PPP3CA: variants seen among roughly 807,000 people sequenced by gnomAD.
PPP3CA encodes the protein protein phosphatase 3 catalytic subunit alpha.
Under a neutral mutation model 66.5 loss-of-function variants are expected in PPP3CA, and 14 were observed. The ratio of observed to expected loss-of-function variants is 0.21; its 90% CI spans 0.14 to 0.33. The LOEUF (loss-of-function observed/expected upper bound fraction) is 0.33. Ranked by LOEUF, PPP3CA falls within the 10% of genes least tolerant of loss-of-function variation. The probability of loss-of-function intolerance (pLI) is 1.00; values close to 1 mark genes in which losing one functional copy is unlikely to be tolerated. For missense variants in PPP3CA, 317 were observed against 639.5 expected, an observed-to-expected ratio of 0.50 and a Z score of 5.44; for synonymous variants, 232 against 226.2, an observed-to-expected ratio of 1.03 and a Z score of -0.23.
At chr4:101,289,870 A>ATG (rs72004461) in intron 1 of PPP3CA, among the ~76,000 whole-genome samples, 15,817 of 141,646 alleles carry the variant, frequency 0.11, 857 homozygotes, top group Non-Finnish European at 0.12. Context: ...ATGTCCGTGT[A>ATG]TGTGTGTGTG....
At position 101,156,405 on chromosome 4, in the gene PPP3CA, G is replaced by A. The variant is rs115621571; in HGVS notation, c.259+39511C>T. Reference sequence around the variant, plus strand: ...TAGAAAAAGGCATATTCCAGGCCAGGCAAAGTGGCTCCCGCCTGTAATCCC... The same window carrying A: ...TAGAAAAAGGCATATTCCAGGCCAGACAAAGTGGCTCCCGCCTGTAATCCC... On this transcript the variant is annotated intron_variant, in intron 2 of 13. Transcript: ENST00000394854. 8.2e-3 allele frequency among the ~76,000 whole-genome samples: 1,251 copies of A among 152,318 alleles called. 17 individuals carry two copies. Among genetic ancestry groups the A allele is most frequent in the African/African-American group, 0.029 (1,201 of 41,558 alleles).
intron 1 of PPP3CA, among the ~76,000 whole-genome samples, chr4:101,219,259 A>G (rs1009370155): frequency 5.3e-4 from 80 of 152,132 alleles, no homozygotes; most frequent in African/African-American, 1.9e-3. Flanking sequence ...TAGTTAACAG[A>G]TTGCATGCTT....
chr4:101,082,953 G>T lies in PPP3CA; in HGVS notation c.860+233C>A, dbSNP rs568823908. Reference sequence around the variant, plus strand: ...TACTTAAGAAATCAAGCTGAAAATGGACTTGTTCAGGCTAAAGATGTAAGA... The same window carrying T: ...TACTTAAGAAATCAAGCTGAAAATGTACTTGTTCAGGCTAAAGATGTAAGA... On this transcript the variant is annotated intron_variant, in intron 7 of 13. Transcript: ENST00000394854. Among the ~76,000 whole-genome samples the T allele has an allele frequency of 1.1e-4, 16 of 152,236 alleles. No individual in the cohort carries two copies. The South Asian group carries it at 2.7e-3, about 26-fold the overall frequency.
chr4:101,326,053 T>C (rs553017315), intron 1 of PPP3CA, among the ~76,000 whole-genome samples: 2 of 152,158 alleles, frequency 1.3e-5, no homozygotes, highest in East Asian at 3.9e-4. Context: ...GCAGAATTAC[T>C]TGAACCGAGG....
At chr4:101,299,368 G>A (rs112961927) in intron 1 of PPP3CA, among the ~76,000 whole-genome samples, 3,270 of 150,434 alleles carry the variant, frequency 0.022, 99 homozygotes, top group African/African-American at 0.061. Flanking sequence ...AATGACAGAA[G>A]GTTTTTTTGT....
chr4:101,244,332 T>G (rs1726407386), intron 1 of PPP3CA, among the ~76,000 whole-genome samples: 1 of 152,122 alleles, frequency 6.6e-6, no homozygotes, highest in Non-Finnish European at 1.5e-5. Flanking sequence ...CTAAGGGATC[T>G]CCTATTTTTT....
chr4:101,314,569 C>CAAAAAAA (rs748980814), intron 1 of PPP3CA, among the ~76,000 whole-genome samples: 45 of 75,134 alleles, frequency 6.0e-4, no homozygotes, highest in Middle Eastern at 0.011. Context: ...ATCTCAAAAC[C>CAAAAAAA]AAAAAAAAAA....
intron 8 of PPP3CA, among the ~76,000 whole-genome samples, chr4:101,071,785 T>A (rs114190779): frequency 6.6e-6 from 1 of 152,336 alleles, no homozygotes; most frequent in Non-Finnish European, 1.5e-5. Flanking sequence ...CCTCACACAC[T>A]GTGTCTTAAC....
At chr4:101,307,241 C>A (rs570044387) in intron 1 of PPP3CA, among the ~76,000 whole-genome samples, 2 of 150,078 alleles carry the variant, frequency 1.3e-5, no homozygotes, top group South Asian at 4.2e-4. Context: ...ACGTGGAAAA[C>A]CTGAATGTCT....
intron 2 of PPP3CA, among the ~76,000 whole-genome samples, chr4:101,156,024 T>C (rs1264712934): frequency 6.6e-6 from 1 of 152,178 alleles, no homozygotes; most frequent in Non-Finnish European, 1.5e-5. Flanking sequence ...AAACTATGCC[T>C]ATGGTCAAGA....
rs1279019038 is a variant in PPP3CA at position 101,025,078 on chromosome 4, C to CA, written c.*786dup. On this transcript the variant is annotated 3_prime_UTR_variant, in exon 14 of 14. Coordinates refer to ENST00000394854, the MANE Select transcript of PPP3CA (RefSeq NM_000944.5). ...CACAACCAAGACTTGATTTTATCAA[C>CA]AAAAACCCCTAAATATAAACGGCAA... 6.6e-6 allele frequency: 1 copy of CA among 152,060 alleles called. No homozygotes were observed. The highest frequency in any genetic ancestry group is 6.6e-5 in the Admixed American group (1 of 15,218). The allele number at this position is 152,060 out of a possible 1,614,324, so 9.4% of individuals were successfully genotyped here. A position where few individuals can be genotyped will look rare whatever the true frequency, so the allele number is the denominator to read the frequency against.
chr4:101,091,910 T>G (rs1729968507), intron 6 of PPP3CA, among the ~76,000 whole-genome samples: 1 of 147,280 alleles, frequency 6.8e-6, no homozygotes, highest in Non-Finnish European at 1.5e-5. Context: ...AGAGGAGGAG[T>G]AAGTATTCTA....
chr4:101,174,735 G>C (rs964097898), intron 2 of PPP3CA, among the ~76,000 whole-genome samples: 1 of 152,174 alleles, frequency 6.6e-6, no homozygotes, highest in Non-Finnish European at 1.5e-5. Flanking sequence ...AGTTGGCCAA[G>C]AATAGTGAGA....
intron 2 of PPP3CA, among the ~76,000 whole-genome samples, chr4:101,187,471 A>G (rs566855938): frequency 7.5e-4 from 114 of 152,268 alleles, no homozygotes; most frequent in African/African-American, 2.6e-3. Flanking sequence ...TGGATATTTT[A>G]TATCAATAAT....
chr4:101,140,080 T>G (rs1053655526), intron 2 of PPP3CA, among the ~76,000 whole-genome samples: 5 of 152,192 alleles, frequency 3.3e-5, no homozygotes, highest in African/African-American at 1.2e-4. Context: ...TGACTAGAAG[T>G]GAATGATTAG....
At chr4:101,157,966 T>C (rs1247859842) in intron 2 of PPP3CA, among the ~76,000 whole-genome samples, 4 of 152,014 alleles carry the variant, frequency 2.6e-5, no homozygotes, top group African/African-American at 9.7e-5. Flanking sequence ...ATTTAAACTT[T>C]AGTACATTTA....
At chr4:101,212,508 AC>A (rs1452578954) in intron 1 of PPP3CA, among the ~76,000 whole-genome samples, 1 of 152,078 alleles carries the variant, frequency 6.6e-6, no homozygotes, top group Non-Finnish European at 1.5e-5. Flanking sequence ...TAGCTAATGG[AC>A]CCTGGGCTTA....
At chr4:101,174,209 C>T (rs1244769851) in intron 2 of PPP3CA, among the ~76,000 whole-genome samples, 4 of 151,932 alleles carry the variant, frequency 2.6e-5, no homozygotes, top group Non-Finnish European at 5.9e-5. Flanking sequence ...TACTATGGCT[C>T]TATTAAATAT....
chr4:101,029,520 TATAAG>T (rs1308629286), intron 12 of PPP3CA, among the ~76,000 whole-genome samples: 2 of 152,006 alleles, frequency 1.3e-5, no homozygotes. Flanking sequence ...TGGACTGAAT[TATAAG>T]AGATTATGTA....
Sources: gnomAD v4.1 joint callset for allele counts (sites outside exome capture counted in the v4.1 genomes callset) on GRCh38, gnomAD v4.1.1 for gene constraint, MANE v1.5 for transcripts, NCBI Gene and HGNC (gene_info 2026-07-23, HGNC 2026-07-21) for gene names.